ERG: variants seen among roughly 807,000 people sequenced by gnomAD.
ERG encodes the protein transcriptional regulator ERG.
ERG carries 9 observed loss-of-function variants against 55.3 expected under a neutral mutation model. The ratio of observed to expected loss-of-function variants is 0.16; its 90% CI spans 0.10 to 0.28. ERG has a LOEUF of 0.28. ERG is among the 10% of genes least tolerant of loss of function. The pLI, the probability that ERG is intolerant of heterozygous loss-of-function variation, is 1.00. For missense variants in ERG, 434 were observed against 631.6 expected (o/e 0.69, Z 3.35); for synonymous variants, 223 against 237.3 (o/e 0.94, Z 0.55).
intron 2 of ERG, among the ~76,000 whole-genome samples, chr21:38,550,390 G>A (rs1226611021): frequency 2.6e-5 from 4 of 152,180 alleles, no homozygotes; most frequent in Non-Finnish European, 5.9e-5. Context: ...CAAAATTCAT[G>A]GGTTTAAATC....
intron 2 of ERG, among the ~76,000 whole-genome samples, chr21:38,575,210 C>T (rs143825062): frequency 2.6e-5 from 4 of 152,164 alleles, no homozygotes; most frequent in South Asian, 2.1e-4. Context: ...GTCTCCTGCT[C>T]GCTAACCCCA....
intron 3 of ERG, among the ~76,000 whole-genome samples, chr21:38,409,948 C>T (rs574945953): frequency 7.2e-5 from 11 of 152,236 alleles, no homozygotes; most frequent in Non-Finnish European, 1.3e-4. Flanking sequence ...TATTGGGAAT[C>T]CAAATACCCA....
intron 1 of ERG, among the ~76,000 whole-genome samples, chr21:38,452,336 T>C (rs1394251285): frequency 1.3e-5 from 2 of 152,056 alleles, no homozygotes; most frequent in South Asian, 2.1e-4. Flanking sequence ...AATACATATA[T>C]ACATACACAC....
chr21:38,627,170 T>A (rs997325929), intron 1 of ERG, among the ~76,000 whole-genome samples: 4 of 152,100 alleles, frequency 2.6e-5, no homozygotes, highest in Admixed American at 2.6e-4. Context: ...ATTTCATGTC[T>A]AAAAATGAAT....
At chr21:38,432,806 C>T (rs1190756580) in intron 2 of ERG, among the ~76,000 whole-genome samples, 1 of 152,180 alleles carries the variant, frequency 6.6e-6, no homozygotes, top group Admixed American at 6.5e-5. Flanking sequence ...GTCATGGTCT[C>T]GACTCCAAGT....
chr21:38,485,926 TTAATAA>T (rs913007397), intron 1 of ERG, among the ~76,000 whole-genome samples: 16 of 151,938 alleles, frequency 1.1e-4, no homozygotes, highest in East Asian at 5.8e-4. Context: ...TTTTCCCTTC[TTAATAA>T]TAATAATTAT....
intron 6 of ERG, chr21:38,395,617 A>T (rs1163659694): frequency 5.5e-6 from 1 of 181,432 alleles, no homozygotes; most frequent in Non-Finnish European, 1.2e-5. Flanking sequence ...AAGTCATTGC[A>T]TAGGCAGCTT....
At chr21:38,384,313 T>G (rs1987590962) in intron 9 of ERG, among the ~76,000 whole-genome samples, 1 of 152,166 alleles carries the variant, frequency 6.6e-6, no homozygotes, top group Admixed American at 6.5e-5. Context: ...GGCCAGAAAC[T>G]TCCTTAGCGC....
intron 2 of ERG, among the ~76,000 whole-genome samples, chr21:38,442,758 G>T (rs2058853337): frequency 6.6e-6 from 1 of 152,136 alleles, no homozygotes; most frequent in South Asian, 2.1e-4. Context: ...TCACACTAAG[G>T]AAAACAGTGT....
At chr21:38,528,302 A>T (rs2059644777) in intron 2 of ERG, among the ~76,000 whole-genome samples, 1 of 152,184 alleles carries the variant, frequency 6.6e-6, no homozygotes, top group African/African-American at 2.4e-5. Flanking sequence ...TTAGCCAGGC[A>T]TGGTGGTGGG....
At chr21:38,563,933 G>A (rs1380600164) in intron 2 of ERG, among the ~76,000 whole-genome samples, 2 of 152,210 alleles carry the variant, frequency 1.3e-5, no homozygotes, top group Non-Finnish European at 2.9e-5. Flanking sequence ...CGCGAGTAAG[G>A]TATCGGGAGA....
chr21:38,583,592 T>C (rs1201568836), intron 1 of ERG, among the ~76,000 whole-genome samples: 2 of 152,202 alleles, frequency 1.3e-5, no homozygotes, highest in Non-Finnish European at 2.9e-5. Flanking sequence ...ATTGTATCAA[T>C]TCTCTCCCCC....
chr21:38,375,513 C>T (rs565593679), downstream of ERG, among the ~76,000 whole-genome samples: 6 of 152,222 alleles, frequency 3.9e-5, no homozygotes, highest in South Asian at 1.0e-3. Flanking sequence ...CATTCTTGCT[C>T]CCCACTGATT....
intron 2 of ERG, among the ~76,000 whole-genome samples, chr21:38,541,736 T>C (rs2059753894): frequency 6.6e-6 from 1 of 152,182 alleles, no homozygotes; most frequent in Non-Finnish European, 1.5e-5. Context: ...GCAATTCAAA[T>C]GAATGCACAT....
At chr21:38,530,052 G>A (rs1035441568) in intron 2 of ERG, among the ~76,000 whole-genome samples, 1 of 152,088 alleles carries the variant, frequency 6.6e-6, no homozygotes, top group Non-Finnish European at 1.5e-5. Flanking sequence ...GAGGACTTTT[G>A]GTTTTTTAGT....
At chr21:38,393,207 C>G (rs952327577) in intron 6 of ERG, among the ~76,000 whole-genome samples, 2 of 152,216 alleles carry the variant, frequency 1.3e-5, no homozygotes, top group South Asian at 4.1e-4. Context: ...AGTCGTATCA[C>G]TTGTCCTATA....
In ERG at chr21:38,380,597, T is replaced by A; in HGVS notation, c.*2806A>T. ...GAAAAGGTTCATGCAATTATGAATA[T>A]GACCTGGAGGGGGCTTTGGAATTAG... On this transcript the variant is annotated 3_prime_UTR_variant, in exon 10 of 10. Transcript: ENST00000288319. The A allele has an allele frequency of 2.8e-6, 3 of 1,065,732 alleles. No individual in the cohort carries two copies. The highest frequency in any genetic ancestry group is 3.4e-6 in the Non-Finnish European group (3 of 879,538). The allele number at this position is 1,065,732 out of a possible 1,614,324, so 66.0% of individuals were successfully genotyped here. A position where few individuals can be genotyped will look rare whatever the true frequency, so the allele number is the denominator to read the frequency against.
Position 38,381,655 on chromosome 21 carries a change from G to A in ERG, c.*1748C>T. On this transcript the variant is annotated 3_prime_UTR_variant, in exon 10 of 10. Transcript: ENST00000288319. Reference sequence around the variant, plus strand: ...CCTTACGAGTGGTAGCTTGTTCACTGTTCAACAAATGTATTTTAATCATAG... The same window carrying A: ...CCTTACGAGTGGTAGCTTGTTCACTATTCAACAAATGTATTTTAATCATAG... 4 of 1,063,452 alleles carry A rather than the reference G, an allele frequency of 3.8e-6. 1 individual carries two copies. The highest frequency in any genetic ancestry group is 8.3e-4 in the Middle Eastern group (2 of 2,400). The allele number at this position is 1,063,452 out of a possible 1,614,324, so 65.9% of individuals were successfully genotyped here.
At chr21:38,627,689 T>C (rs1952251239) in intron 1 of ERG, among the ~76,000 whole-genome samples, 1 of 152,174 alleles carries the variant, frequency 6.6e-6, no homozygotes, top group Non-Finnish European at 1.5e-5. Flanking sequence ...AAATGGGAAA[T>C]GAACTCTTAG....
Sources: allele counts gnomAD v4.1 joint callset (sites outside exome capture counted in the v4.1 genomes callset), GRCh38; gene constraint gnomAD v4.1.1; transcripts MANE v1.5; gene names NCBI Gene and HGNC (gene_info 2026-07-23, HGNC 2026-07-21).